The following RASEF variants were observed in gnomAD, a reference collection of about 807,000 sequenced individuals.
RASEF encodes ras and EF-hand domain-containing protein.
RASEF carries 68 observed loss-of-function variants against 90.1 expected under a neutral mutation model. That is an observed-to-expected ratio of 0.75 (90% CI 0.62 to 0.92). The LOEUF is 0.92. Among genes scored for constraint, RASEF ranks in the 40% least tolerant of loss-of-function variants. RASEF has a pLI of 0.00. For missense variants in RASEF, 949 were observed against 937.2 expected (o/e 1.01, Z -0.16); for synonymous variants, 331 against 345.2 (o/e 0.96, Z 0.46).
chr9:83,218,486 A>T, the RASEF span, among the ~76,000 whole-genome samples: 26 of 152,174 alleles, frequency 1.7e-4, no homozygotes, highest in African/African-American at 6.3e-4. Flanking sequence ...CTAGGACTCC[A>T]TCATACCCAC....
chr9:83,208,180 T>C, the RASEF span, among the ~76,000 whole-genome samples: 4 of 152,150 alleles, frequency 2.6e-5, no homozygotes, highest in African/African-American at 9.7e-5. Flanking sequence ...CATCCTGCTA[T>C]GGCACCCTTG....
At position 83,022,885 on chromosome 9, in the gene RASEF, T is replaced by C. The variant is rs1444922339; in HGVS notation, c.579-459A>G. 2.0e-5 allele frequency among the ~76,000 whole-genome samples: 3 copies of C among 152,248 alleles called. No homozygotes were observed. The East Asian group carries it at 5.8e-4, about 29-fold the overall frequency. ...AAACACAGAATAGATACAGTAAAAG[T>C]ATAGGATTATATTCTTATGGGACCA... On this transcript the variant is annotated intron_variant, in intron 2 of 16. Transcript: ENST00000376447.
the RASEF span, among the ~76,000 whole-genome samples, chr9:83,119,846 G>A: frequency 3.9e-5 from 6 of 152,166 alleles, no homozygotes; most frequent in Admixed American, 3.3e-4. Flanking sequence ...CATCTGTTTT[G>A]TAGATGTAGA....
At chr9:83,009,563 C>A in intron 6 of RASEF, 78 bp downstream of exon 6, 1 of 757,796 alleles carries the variant, frequency 1.3e-6, no homozygotes, top group Non-Finnish European at 2.2e-6. Context: ...CTTCATTATT[C>A]CATAGCTGAG....
chr9:83,113,397 T>C, the RASEF span, among the ~76,000 whole-genome samples: 2 of 152,202 alleles, frequency 1.3e-5, no homozygotes, highest in African/African-American at 4.8e-5. Flanking sequence ...AACATGTGTG[T>C]TTGAACAATA....
intron 1 of RASEF, among the ~76,000 whole-genome samples, chr9:83,037,311 C>CA (rs200394060): frequency 0.062 from 9,029 of 145,124 alleles, 469 homozygotes; most frequent in African/African-American, 0.16. Context: ...TGAGATGCTT[C>CA]AAAAAAAAAA....
the RASEF span, among the ~76,000 whole-genome samples, chr9:83,158,659 C>A: frequency 8.2e-6 from 1 of 122,532 alleles, no homozygotes; most frequent in Non-Finnish European, 1.8e-5. Flanking sequence ...CAAATATATA[C>A]ATATATGTAT....
chr9:82,981,676 A>G lies in RASEF; in HGVS notation c.*1001T>C, dbSNP rs1245146023. 1 of 152,182 alleles carries G rather than the reference A, an allele frequency of 6.6e-6. No individual in the cohort carries two copies. Among genetic ancestry groups the G allele is most frequent in the Non-Finnish European group, 1.5e-5 (1 of 68,028 alleles). The allele number at this position is 152,182 out of a possible 1,614,324, so 9.4% of individuals were successfully genotyped here. ...ATTCAGTGGTTCCTAGTACATTCAAACAGTTATACAACTATCACCACTATT... is the reference window on the plus strand; with the variant it reads ...ATTCAGTGGTTCCTAGTACATTCAAGCAGTTATACAACTATCACCACTATT... On this transcript the variant is annotated 3_prime_UTR_variant, in exon 17 of 17. Transcript: ENST00000376447.
At chr9:83,024,546 C>T (rs1829505298) in intron 2 of RASEF, among the ~76,000 whole-genome samples, 1 of 152,152 alleles carries the variant, frequency 6.6e-6, no homozygotes, top group South Asian at 2.1e-4. Context: ...CTCTGACCCA[C>T]ACTCCAGAAT....
chr9:83,164,347 G>GTGTGTGTATATA, the RASEF span, among the ~76,000 whole-genome samples: 59 of 129,970 alleles, frequency 4.5e-4, 1 homozygote, highest in African/African-American at 1.3e-3. Flanking sequence ...GTATATGTGT[G>GTGTGTGTATATA]TATATATATA....
chr9:82,993,284 C>A (rs149017642), intron 14 of RASEF, among the ~76,000 whole-genome samples: 1 of 152,128 alleles, frequency 6.6e-6, no homozygotes, highest in Non-Finnish European at 1.5e-5. Context: ...AACTCCATAA[C>A]GCTTGCCTCT....
At chr9:83,085,745 T>C in the RASEF span, among the ~76,000 whole-genome samples, 2 of 151,838 alleles carry the variant, frequency 1.3e-5, no homozygotes, top group Non-Finnish European at 2.9e-5. Flanking sequence ...ACCAATATAG[T>C]GAAATCCCAT....
intron 3 of RASEF, among the ~76,000 whole-genome samples, chr9:83,021,892 T>C (rs1829450732): frequency 6.6e-6 from 1 of 152,106 alleles, no homozygotes; most frequent in Non-Finnish European, 1.5e-5. Flanking sequence ...AACACCAAAG[T>C]TTGAAGACAG....
intron 14 of RASEF, among the ~76,000 whole-genome samples, chr9:82,993,481 C>A (rs1828853022): frequency 6.6e-6 from 1 of 152,200 alleles, no homozygotes. Context: ...TAATTTTCTA[C>A]AACTGTTATT....
chr9:83,086,928 G>A, the RASEF span, among the ~76,000 whole-genome samples: 3 of 152,148 alleles, frequency 2.0e-5, no homozygotes, highest in Admixed American at 6.5e-5. Context: ...ACAGACCAAC[G>A]CTAACACAAT....
intron 16 of RASEF, among the ~76,000 whole-genome samples, chr9:82,988,212 T>TC (rs1828745121): frequency 6.6e-6 from 1 of 152,252 alleles, no homozygotes; most frequent in Admixed American, 6.5e-5. Flanking sequence ...TACTGAACTC[T>TC]CCCCTCTTTA....
At chr9:83,035,286 C>T (rs1279186344) in intron 1 of RASEF, among the ~76,000 whole-genome samples, 2 of 152,164 alleles carry the variant, frequency 1.3e-5, no homozygotes, top group Non-Finnish European at 2.9e-5. Context: ...CTAGACAATG[C>T]ATAAATGAAT....
At chr9:83,157,484 C>T in the RASEF span, among the ~76,000 whole-genome samples, 1 of 152,144 alleles carries the variant, frequency 6.6e-6, no homozygotes, top group Non-Finnish European at 1.5e-5. Flanking sequence ...TGCCCTTTGT[C>T]ATGTTATAAC....
At chr9:83,141,511 A>G in the RASEF span, among the ~76,000 whole-genome samples, 1 of 152,200 alleles carries the variant, frequency 6.6e-6, no homozygotes, top group Non-Finnish European at 1.5e-5. Context: ...CCCTTCCCGA[A>G]AACAGCTGTA....
Sources: allele counts gnomAD v4.1 joint callset (sites outside exome capture counted in the v4.1 genomes callset), GRCh38; gene constraint gnomAD v4.1.1; transcripts MANE v1.5; gene names NCBI Gene and HGNC (gene_info 2026-07-23, HGNC 2026-07-21).